Variants in ABCC8 observed in about 807,000 individuals in gnomAD.
ABCC8 encodes the protein ATP binding cassette subfamily C member 8, also known as ATP-binding cassette sub-family C member 8.
In ABCC8, 137 loss-of-function variants were observed where a neutral mutation model predicts 188.0. The observed-to-expected ratio is 0.73, with a 90% CI of 0.63 to 0.84. The LOEUF (loss-of-function observed/expected upper bound fraction) is 0.84, where lower values mean the gene tolerates loss of function less well. Ranked by LOEUF, ABCC8 falls within the 40% of genes least tolerant of loss-of-function variation. The pLI is 0.00. For synonymous variants in ABCC8, 797 were observed against 846.5 expected (o/e 0.94, Z 1.01); for missense variants, 1,750 against 2,072.7 (o/e 0.84, Z 3.02).
At chr11:17,428,053 C>G (rs1955666091) in intron 14 of ABCC8, 111 bp from the exon 15 acceptor site, 1 of 1,586,922 alleles carries the variant, frequency 6.3e-7, no homozygotes, top group Admixed American at 1.8e-5. Context: ...CTGATTCCAG[C>G]CCCTGGATCA....
At chr11:17,462,189 G>A (rs1389468684) in intron 4 of ABCC8, among the ~76,000 whole-genome samples, 2 of 152,178 alleles carry the variant, frequency 1.3e-5, no homozygotes, top group Non-Finnish European at 2.9e-5. Context: ...TGCAGACCTG[G>A]TTTTGAATCC....
intron 12 of ABCC8, chr11:17,430,463 TG>T: frequency 5.4e-6 from 2 of 372,972 alleles, no homozygotes; most frequent in Non-Finnish European, 1.0e-5. Flanking sequence ...GGGGACGGGA[TG>T]GCCTCATTCT....
chr11:17,410,190 G>A (rs969135673), intron 22 of ABCC8: 6 of 306,908 alleles, frequency 2.0e-5, no homozygotes, highest in Admixed American at 1.8e-4. Flanking sequence ...CCATGACTGC[G>A]GGGATGGGTC....
chr11:17,409,954 A>G (rs970151681), intron 22 of ABCC8, among the ~76,000 whole-genome samples: 2 of 151,976 alleles, frequency 1.3e-5, no homozygotes, highest in African/African-American at 4.8e-5. Flanking sequence ...TGGCATGATC[A>G]TGGTTCACAG....
rs1415473161 is a variant in ABCC8 at position 17,427,165 on chromosome 11, G to A, written c.2117-11C>T. On this transcript the variant is annotated splice_polypyrimidine_tract_variant and intron_variant, in intron 15 of 38. Coordinates refer to ENST00000389817, the MANE Select transcript of ABCC8 (RefSeq NM_000352.6). This position sits in a 1 kb window ranked among gnomAD's most constrained non-coding sequence, Gnocchi z 5.0. ...TCATAGTCAGCTGGCCTGCAGGGAG[G>A]GAGGGTGGCAGATGTGAGTGGGGCC... 1.9e-6 allele frequency: 3 copies of A among 1,609,142 alleles called. No homozygotes were observed.
intron 26 of ABCC8, chr11:17,406,373 A>T: frequency 1.8e-6 from 1 of 560,310 alleles, no homozygotes; most frequent in Non-Finnish European, 3.2e-6. Flanking sequence ...GCAGACGCTC[A>T]CTTTAAAGGG....
intron 10 of ABCC8, among the ~76,000 whole-genome samples, chr11:17,439,216 T>G (rs992239061): frequency 6.7e-6 from 1 of 149,810 alleles, no homozygotes; most frequent in Non-Finnish European, 1.5e-5. Flanking sequence ...AGAGAAACTG[T>G]GCCCATTCAT....
At chr11:17,452,667 G>A (rs1485486085) in intron 7 of ABCC8, among the ~76,000 whole-genome samples, 1 of 152,216 alleles carries the variant, frequency 6.6e-6, no homozygotes, top group African/African-American at 2.4e-5. Flanking sequence ...CCCCATCTTA[G>A]AGGGGACCCT....
intron 1 of ABCC8, 136 bp from the exon 2 acceptor site, chr11:17,475,163 T>C: frequency 7.4e-7 from 1 of 1,357,916 alleles, no homozygotes; most frequent in Non-Finnish European, 1.0e-6. Flanking sequence ...CCAAGGCTGG[T>C]ACACACAAAC....
intron 18 of ABCC8, among the ~76,000 whole-genome samples, chr11:17,415,005 T>C (rs1226702810): frequency 8.4e-6 from 1 of 118,860 alleles, no homozygotes; most frequent in Non-Finnish European, 1.6e-5. Flanking sequence ...ATGGAAGAAC[T>C]TTTTTTTTTT....
chr11:17,451,867 A>T (rs1025339738), intron 7 of ABCC8, among the ~76,000 whole-genome samples: 1 of 152,212 alleles, frequency 6.6e-6, no homozygotes, highest in African/African-American at 2.4e-5. Flanking sequence ...CAAATCAGGT[A>T]TTACCATTTT....
At chr11:17,464,591 G>C (rs1276749840) in intron 3 of ABCC8, among the ~76,000 whole-genome samples, 1 of 152,214 alleles carries the variant, frequency 6.6e-6, no homozygotes, top group African/African-American at 2.4e-5. Context: ...CACGCAGCGG[G>C]TGCTCTTTGG....
At chr11:17,465,291 G>A (rs1022359875) in intron 3 of ABCC8, 4 of 152,250 alleles carry the variant, frequency 2.6e-5, no homozygotes, top group African/African-American at 7.2e-5. Context: ...CTGCCTACAG[G>A]AGCCGAGACT....
At position 17,404,688 on chromosome 11, in the gene ABCC8, A is replaced by C; in HGVS notation, c.3400-19T>G. On this transcript the variant is annotated intron_variant, in intron 27 of 38. Transcript: ENST00000389817. The surrounding 1 kb of genome is among the most constrained non-coding windows in gnomAD (Gnocchi z 4.7). Reference sequence around the variant, plus strand: ...GGATGTGCTGAGGGAGACGAGGGGGAGAGAGTGAGGTGAATTTTGGTATTG... The same window carrying C: ...GGATGTGCTGAGGGAGACGAGGGGGCGAGAGTGAGGTGAATTTTGGTATTG... 1 of 1,590,052 alleles carries C rather than the reference A, an allele frequency of 6.3e-7. No individual in the cohort carries two copies. Among genetic ancestry groups the C allele is most frequent in the Non-Finnish European group, 8.6e-7 (1 of 1,168,612 alleles).
intron 21 of ABCC8, among the ~76,000 whole-genome samples, chr11:17,412,021 T>C (rs1253401244): frequency 6.6e-6 from 1 of 150,454 alleles, no homozygotes; most frequent in Non-Finnish European, 1.5e-5. Context: ...GCCTCCGGAG[T>C]AGCTGGGACT....
intron 10 of ABCC8, among the ~76,000 whole-genome samples, chr11:17,434,592 C>T (rs1955993926): frequency 6.6e-6 from 1 of 152,208 alleles, no homozygotes; most frequent in Admixed American, 6.5e-5. Context: ...AATGATGGTG[C>T]ATCAGCCGTG....
chr11:17,471,116 C>T (rs908467628), intron 2 of ABCC8, among the ~76,000 whole-genome samples: 22 of 152,244 alleles, frequency 1.4e-4, no homozygotes, highest in Non-Finnish European at 2.4e-4. Context: ...CCTGCTACAG[C>T]TTGCTGCCTC....
chr11:17,416,969 G>T lies in ABCC8; in HGVS notation c.2223-7C>A, dbSNP rs778947354. The T allele has an allele frequency of 6.2e-7, 1 of 1,613,918 alleles. No individual in the cohort carries two copies. Among genetic ancestry groups the T allele is most frequent in the South Asian group, 1.1e-5 (1 of 91,034 alleles). Reference sequence around the variant, plus strand: ...TATCTCGCTGTCAGGAAGGCTGCTGGGACACAAATGGGACAGACCAACACC... The same window carrying T: ...TATCTCGCTGTCAGGAAGGCTGCTGTGACACAAATGGGACAGACCAACACC... On this transcript the variant is annotated splice_polypyrimidine_tract_variant and splice_region_variant and intron_variant, in intron 16 of 38. Transcript: ENST00000389817.
At chr11:17,420,216 AC>A (rs1955273502) in intron 16 of ABCC8, among the ~76,000 whole-genome samples, 1 of 152,186 alleles carries the variant, frequency 6.6e-6, no homozygotes, top group African/African-American at 2.4e-5. Flanking sequence ...CTGAAAGGTT[AC>A]CTTTCACCCA....
Sources: gnomAD v4.1 joint callset for allele counts (sites outside exome capture counted in the v4.1 genomes callset) on GRCh38, gnomAD v4.1.1 for gene constraint, Gnocchi (gnomAD v3.1) non-coding constraint, MANE v1.5 for transcripts, NCBI Gene and HGNC (gene_info 2026-07-23, HGNC 2026-07-21) for gene names.